CEP83: variants seen among roughly 807,000 people sequenced by gnomAD.
The protein encoded by CEP83 is centrosomal protein 83.
Under a neutral mutation model 101.9 loss-of-function variants are expected in CEP83, and 70 were observed. The observed-to-expected ratio is 0.69, with a 90% CI of 0.57 to 0.84. The LOEUF is 0.84. CEP83 is among the 40% of genes least tolerant of loss of function. CEP83 has a pLI of 0.00. For missense variants in CEP83, 715 were observed against 787.2 expected, an observed-to-expected ratio of 0.91 and a Z score of 1.10; for synonymous variants, 264 against 267.9, an observed-to-expected ratio of 0.99 and a Z score of 0.14.
At chr12:94,323,097 T>C (rs1017944769) in intron 14 of CEP83, among the ~76,000 whole-genome samples, 2 of 152,194 alleles carry the variant, frequency 1.3e-5, no homozygotes, top group African/African-American at 4.8e-5. Flanking sequence ...AGTGGCTGGC[T>C]AGAGTTCCAA....
At chr12:94,425,789 T>A (rs1317807928) in intron 2 of CEP83, among the ~76,000 whole-genome samples, 1 of 152,222 alleles carries the variant, frequency 6.6e-6, no homozygotes, top group Non-Finnish European at 1.5e-5. Context: ...ATGCTGTAGC[T>A]GGCAAAATGG....
At chr12:94,412,638 G>A (rs1038267445) in intron 2 of CEP83, 47 bp from the exon 3 acceptor site, 87 of 544,220 alleles carry the variant, frequency 1.6e-4, no homozygotes, top group African/African-American at 1.5e-3. Flanking sequence ...ATCAGTAAAC[G>A]TAAGCCTCCT....
chr12:94,410,723 T>C (rs1264053974), intron 4 of CEP83, among the ~76,000 whole-genome samples: 2 of 152,220 alleles, frequency 1.3e-5, no homozygotes, highest in African/African-American at 4.8e-5. Flanking sequence ...TCTACAGGCT[T>C]AAATTACATT....
chr12:94,405,977 G>T (rs2063511814), intron 4 of CEP83, among the ~76,000 whole-genome samples: 1 of 152,144 alleles, frequency 6.6e-6, no homozygotes, highest in Non-Finnish European at 1.5e-5. Context: ...CACCTGAAAG[G>T]ATTAGAAGGA....
At chr12:94,362,105 G>T (rs1280539100) in intron 11 of CEP83, among the ~76,000 whole-genome samples, 1 of 152,160 alleles carries the variant, frequency 6.6e-6, no homozygotes, top group African/African-American at 2.4e-5. Context: ...ATGGGCAAAT[G>T]ATCTGAATGG....
At chr12:94,356,184 T>C (rs1008993378) in intron 11 of CEP83, among the ~76,000 whole-genome samples, 18 of 152,124 alleles carry the variant, frequency 1.2e-4, no homozygotes, top group African/African-American at 4.3e-4. Flanking sequence ...GCAATCCCTG[T>C]GGTGAGTAAG....
At chr12:94,298,546 G>T in the CEP83 span, 1 of 1,090,260 alleles carries the variant, frequency 9.2e-7, no homozygotes. Context: ...TATTTTCTCT[G>T]AATGTGGATT....
chr12:94,380,012 AAGAGGTTGTTTGT>A (rs1382007010), intron 6 of CEP83, among the ~76,000 whole-genome samples: 3 of 151,158 alleles, frequency 2.0e-5, no homozygotes, highest in Non-Finnish European at 4.4e-5. Flanking sequence ...AAAACAGGAC[AAGAGGTTGTTTGT>A]AGCCAGGATG....
intron 1 of CEP83, among the ~76,000 whole-genome samples, chr12:94,436,783 C>T (rs1048723390): frequency 5.5e-5 from 8 of 146,454 alleles, no homozygotes; most frequent in South Asian, 2.2e-4. Context: ...GCCAAGATCA[C>T]GCCATTGCAC....
chr12:94,345,717 G>A (rs907828616), intron 11 of CEP83, among the ~76,000 whole-genome samples: 1 of 152,174 alleles, frequency 6.6e-6, no homozygotes, highest in Non-Finnish European at 1.5e-5. Flanking sequence ...CCTTATCCAG[G>A]AGGAAATAAT....
rs552531081 is a variant in CEP83, at chr12:94,390,946, G to A, written c.549+9904C>T. On this transcript the variant is annotated intron_variant, in intron 6 of 16. Transcript: ENST00000397809. ...TAGAGAAAAAAGAGCAAAAAGAAAC[G>A]AACAAAGCCTCTAAGAAATATGGGA... is the stretch of plus-strand genomic sequence containing the variant. Among the ~76,000 whole-genome samples the A allele has an allele frequency of 1.9e-4, 29 of 152,128 alleles. No homozygotes were observed. In the South Asian group the frequency reaches 4.8e-3, roughly 25 times the overall value.
intron 14 of CEP83, among the ~76,000 whole-genome samples, chr12:94,318,281 A>C (rs1971049362): frequency 6.6e-6 from 1 of 152,088 alleles, no homozygotes; most frequent in Non-Finnish European, 1.5e-5. Context: ...AAACTTTGCT[A>C]AAGTTATCAG....
At chr12:94,286,384 C>T in the CEP83 span, among the ~76,000 whole-genome samples, 7,778 of 152,142 alleles carry the variant, frequency 0.051, 267 homozygotes, top group Non-Finnish European at 0.076. Flanking sequence ...AGAAAATCAT[C>T]CCCCACCACC....
At chr12:94,339,384 G>A (rs975535234) in intron 11 of CEP83, among the ~76,000 whole-genome samples, 5 of 152,148 alleles carry the variant, frequency 3.3e-5, no homozygotes, top group Non-Finnish European at 7.3e-5. Flanking sequence ...TTCTTTGATG[G>A]TGGAAATATT....
At chr12:94,364,707 A>C (rs1341503487) in intron 11 of CEP83, among the ~76,000 whole-genome samples, 1 of 152,212 alleles carries the variant, frequency 6.6e-6, no homozygotes, top group Non-Finnish European at 1.5e-5. Flanking sequence ...CAGAATAGAA[A>C]GTCCAGAAAT....
At chr12:94,287,609 G>A in the CEP83 span, among the ~76,000 whole-genome samples, 5 of 152,160 alleles carry the variant, frequency 3.3e-5, no homozygotes, top group Non-Finnish European at 5.9e-5. Flanking sequence ...TTGTTTAACC[G>A]CTTTCATTAA....
chr12:94,434,505 G>A (rs2065862297), intron 2 of CEP83, among the ~76,000 whole-genome samples: 1 of 152,178 alleles, frequency 6.6e-6, no homozygotes, highest in Non-Finnish European at 1.5e-5. Context: ...ATAGTAATGA[G>A]TTAATGTGTA....
chr12:94,392,610 G>A (rs1214705899), intron 6 of CEP83, among the ~76,000 whole-genome samples: 2 of 152,150 alleles, frequency 1.3e-5, no homozygotes, highest in Non-Finnish European at 1.5e-5. Flanking sequence ...ACATTCAAAA[G>A]CTAGCAGAAG....
the CEP83 span, among the ~76,000 whole-genome samples, chr12:94,284,083 A>AG: frequency 5.8e-4 from 76 of 131,268 alleles, no homozygotes; most frequent in East Asian, 5.1e-3. Context: ...ACTCCATGTC[A>AG]GGGGAAAAAA....
Sources: allele counts gnomAD v4.1 joint callset (sites outside exome capture counted in the v4.1 genomes callset), GRCh38; gene constraint gnomAD v4.1.1; transcripts MANE v1.5; gene names NCBI Gene and HGNC (gene_info 2026-07-23, HGNC 2026-07-21).